Variants in ARID5B observed in about 807,000 individuals in gnomAD.
ARID5B encodes the protein AT-rich interactive domain-containing protein 5B.
Under a neutral mutation model 97.2 loss-of-function variants are expected in ARID5B, and 13 were observed. The observed-to-expected ratio is 0.13, with a 90% CI of 0.09 to 0.21. The LOEUF (loss-of-function observed/expected upper bound fraction) is 0.21, where lower values mean the gene tolerates loss of function less well. ARID5B is among the 10% of genes least tolerant of loss of function. The probability of loss-of-function intolerance (pLI) is 1.00; values close to 1 mark genes in which losing one functional copy is unlikely to be tolerated. For missense variants in ARID5B, 1,210 were observed against 1,465.3 expected, an observed-to-expected ratio of 0.83 and a Z score of 2.84; for synonymous variants, 556 against 570.3, an observed-to-expected ratio of 0.97 and a Z score of 0.36.
At position 61,991,041 on chromosome 10, in the gene ARID5B, T is replaced by TATACACACAC. The variant is rs1554842858; in HGVS notation, c.503-9049_503-9048insTACACACACA. Among the ~76,000 whole-genome samples, 126 of 145,156 alleles carry TATACACACAC rather than the reference T, an allele frequency of 8.7e-4. 1 individual carries two copies. Among genetic ancestry groups the TATACACACAC allele is most frequent in the South Asian group, 5.3e-3 (24 of 4,520 alleles). On this transcript the variant is annotated intron_variant, in intron 3 of 9. Transcript: ENST00000279873. ...AAGTGGAATCACAATATTTATCCTG[T>TATACACACAC]ACACACACACACACACACACACACA...
intron 3 of ARID5B, among the ~76,000 whole-genome samples, chr10:61,953,706 C>T (rs1464034133): frequency 6.6e-6 from 1 of 152,168 alleles, no homozygotes; most frequent in African/African-American, 2.4e-5. Context: ...GCTTTGATTG[C>T]TTATCTATAA....
At chr10:62,087,298 C>CAAAAAAAAAAAAAAAAAAAA (rs71299289) in intron 9 of ARID5B, among the ~76,000 whole-genome samples, 1 of 40,930 alleles carries the variant, frequency 2.4e-5, no homozygotes, top group Non-Finnish European at 4.0e-5. Context: ...GACTCTATCT[C>CAAAAAAAAAAAAAAAAAAAA]AAAAAAAAAA....
intron 3 of ARID5B, among the ~76,000 whole-genome samples, chr10:61,968,500 C>A (rs1459477180): frequency 5.3e-5 from 8 of 151,834 alleles, no homozygotes; most frequent in Admixed American, 5.2e-4. Flanking sequence ...ACAATCCCTG[C>A]AGAATTTGCA....
chr10:61,996,289 A>C (rs1259048332), intron 3 of ARID5B, among the ~76,000 whole-genome samples: 2 of 152,076 alleles, frequency 1.3e-5, no homozygotes, highest in Non-Finnish European at 2.9e-5. Flanking sequence ...CAGAAGTCTT[A>C]TATTTGACTT....
intron 3 of ARID5B, among the ~76,000 whole-genome samples, chr10:61,952,586 G>A (rs1436373738): frequency 6.6e-6 from 1 of 152,190 alleles, no homozygotes; most frequent in Non-Finnish European, 1.5e-5. Flanking sequence ...TCTGTTCTTA[G>A]TCTACTTGAG....
intron 4 of ARID5B, among the ~76,000 whole-genome samples, chr10:62,041,141 G>A (rs1839631202): frequency 6.6e-6 from 1 of 152,110 alleles, no homozygotes. Flanking sequence ...AGGCCCCAAA[G>A]CTCTTCTCAT....
chr10:61,973,489 T>C lies in ARID5B; in HGVS notation c.503-26602T>C, dbSNP rs149131848. ...GGCTTTTTTGATAAACAAGGATAAA[T>C]TGAAGTTTTAATAGACTGGGGCTAC... On this transcript the variant is annotated intron_variant, in intron 3 of 9. Coordinates refer to ENST00000279873, the MANE Select transcript of ARID5B (RefSeq NM_032199.3). Among the ~76,000 whole-genome samples the C allele has an allele frequency of 4.2e-3, 637 of 152,252 alleles. 3 individuals are homozygous for C. Among genetic ancestry groups the C allele is most frequent in the Middle Eastern group, 6.8e-3 (2 of 294 alleles).
chr10:61,955,825 AT>A (rs988474587), intron 3 of ARID5B, among the ~76,000 whole-genome samples: 1 of 151,912 alleles, frequency 6.6e-6, no homozygotes, highest in Non-Finnish European at 1.5e-5. Flanking sequence ...TAGTTTTTGT[AT>A]TTTTAGTAGA....
In ARID5B at chr10:62,093,058, G is replaced by C. The variant is rs545433664; in HGVS notation, c.*28G>C. On this transcript the variant is annotated 3_prime_UTR_variant, in exon 10 of 10. Coordinates refer to ENST00000279873, the MANE Select transcript of ARID5B (RefSeq NM_032199.3). ...TCAGCTCTGCCCAGCAGTCCAAAGC[G>C]GCATGGCCAACAGAGCTTCACTCCT... The C allele has an allele frequency of 6.3e-7, 1 of 1,575,142 alleles. No homozygotes were observed. The highest frequency in any genetic ancestry group is 1.8e-5 in the Admixed American group (1 of 56,502).
intron 2 of ARID5B, among the ~76,000 whole-genome samples, chr10:61,919,788 A>T (rs1017114452): frequency 6.6e-6 from 1 of 152,300 alleles, no homozygotes; most frequent in Non-Finnish European, 1.5e-5. Flanking sequence ...TTGGTTGTAA[A>T]ATATGCATCC....
rs1317226229 is a variant in ARID5B at position 62,091,779 on chromosome 10, C to T, written c.2316C>T (p.Ile772=). Residue 772 remains isoleucine, a synonymous_variant, in exon 10 of 10, where the codon ATC becomes ATT. Coordinates refer to ENST00000279873, the MANE Select transcript of ARID5B (RefSeq NM_032199.3). ...AAGAGAGAAAGACCATCAATGACAT[C>T]TTTAAGCATGAGAAACTGAGTCGAT... ...PSEERKTIND[I]FKHEKLSRSD... The T allele has an allele frequency of 3.1e-6, 5 of 1,614,008 alleles. No homozygotes were observed. In the South Asian group the frequency reaches 5.5e-5, roughly 18 times the overall value.
At chr10:61,927,184 T>C (rs1269511750) in intron 2 of ARID5B, among the ~76,000 whole-genome samples, 1 of 152,154 alleles carries the variant, frequency 6.6e-6, no homozygotes, top group African/African-American at 2.4e-5. Flanking sequence ...AGATAATATA[T>C]AATAGTAATC....
chr10:62,096,915 T>C lies in ARID5B; in HGVS notation c.*3885T>C. ...TTTTGTACTTTTTGATCCACTGTAA[T>C]ATTTAATAAAAAATGTTACTATCTG... is the stretch of plus-strand genomic sequence containing the variant. On this transcript the variant is annotated 3_prime_UTR_variant, in exon 10 of 10. Transcript: ENST00000279873. 4.3e-6 allele frequency: 1 copy of C among 232,922 alleles called. No homozygotes were observed. Among genetic ancestry groups the C allele is most frequent in the East Asian group, 6.1e-5 (1 of 16,420 alleles). The allele number at this position is 232,922 out of a possible 1,614,324, so 14.4% of individuals were successfully genotyped here.
chr10:61,921,437 C>T (rs972715833), intron 2 of ARID5B, among the ~76,000 whole-genome samples: 1 of 152,246 alleles, frequency 6.6e-6, no homozygotes, highest in East Asian at 1.9e-4. Flanking sequence ...CTGAGGCCCT[C>T]AGTTCCTCTC....
chr10:61,979,292 A>G (rs1400842998), intron 3 of ARID5B, among the ~76,000 whole-genome samples: 1 of 152,226 alleles, frequency 6.6e-6, no homozygotes, highest in African/African-American at 2.4e-5. Context: ...TTATTTAAAT[A>G]CTTGTGGCAA....
At chr10:62,038,975 C>A (rs1027757434) in intron 4 of ARID5B, among the ~76,000 whole-genome samples, 3 of 152,130 alleles carry the variant, frequency 2.0e-5, no homozygotes, top group Non-Finnish European at 2.9e-5. Context: ...CCACTAACAG[C>A]GAATAATGAT....
intron 8 of ARID5B, among the ~76,000 whole-genome samples, chr10:62,076,204 CAAG>C (rs1840130875): frequency 1.3e-5 from 2 of 151,726 alleles, no homozygotes. Context: ...TAACCCATCA[CAAG>C]ATCTGAGTCA....
At chr10:61,990,770 A>G (rs1365956542) in intron 3 of ARID5B, among the ~76,000 whole-genome samples, 2 of 152,116 alleles carry the variant, frequency 1.3e-5, no homozygotes, top group African/African-American at 4.8e-5. Flanking sequence ...CATAAAATTT[A>G]TTATTTTAAC....
chr10:62,068,867 AAAATT>A (rs1328372614), intron 7 of ARID5B, among the ~76,000 whole-genome samples: 1 of 152,246 alleles, frequency 6.6e-6, no homozygotes, highest in Non-Finnish European at 1.5e-5. Context: ...GTACAAAAAT[AAAATT>A]AAAGGAAAAA....
Sources: gnomAD v4.1 joint callset for allele counts (sites outside exome capture counted in the v4.1 genomes callset) on GRCh38, gnomAD v4.1.1 for gene constraint, MANE v1.5 for transcripts, NCBI Gene and HGNC (gene_info 2026-07-23, HGNC 2026-07-21) for gene names.